The following AGBL4 variants were observed in gnomAD, a reference collection of about 807,000 sequenced individuals.
AGBL4 encodes AGBL carboxypeptidase 4.
Under a neutral mutation model 66.4 loss-of-function variants are expected in AGBL4, and 58 were observed. That is an observed-to-expected ratio of 0.87 (90% confidence interval 0.71 to 1.09). AGBL4 has a LOEUF of 1.09. AGBL4 is among the 50% of genes least tolerant of loss of function. The pLI, the probability that AGBL4 is intolerant of heterozygous loss-of-function variation, is 0.00. For synonymous variants in AGBL4, 234 were observed against 222.9 expected, an observed-to-expected ratio of 1.05 and a Z score of -0.44; for missense variants, 579 against 631.0, an observed-to-expected ratio of 0.92 and a Z score of 0.88.
chr1:49,006,535 G>A (rs1293100321), intron 5 of AGBL4, among the ~76,000 whole-genome samples: 1 of 152,218 alleles, frequency 6.6e-6, no homozygotes, highest in African/African-American at 2.4e-5. Flanking sequence ...ACAGCTCAAG[G>A]AGGCTTGCCT....
intron 3 of AGBL4, among the ~76,000 whole-genome samples, chr1:49,369,735 G>A (rs571950873): frequency 6.6e-6 from 1 of 152,224 alleles, no homozygotes; most frequent in East Asian, 1.9e-4. Flanking sequence ...ACACTGGAAA[G>A]GAGTAAGCAG....
chr1:49,823,901 C>T (rs1645436262), intron 2 of AGBL4, among the ~76,000 whole-genome samples: 1 of 151,612 alleles, frequency 6.6e-6, no homozygotes, highest in Non-Finnish European at 1.5e-5. Flanking sequence ...ACAGGTATGA[C>T]ATAAAGCAGA....
chr1:49,876,881 G>T (rs1279685842), intron 1 of AGBL4, among the ~76,000 whole-genome samples: 4 of 150,218 alleles, frequency 2.7e-5, no homozygotes, highest in Non-Finnish European at 5.9e-5. Context: ...CACATCCCTT[G>T]TAAGTTGGAT....
intron 9 of AGBL4, among the ~76,000 whole-genome samples, chr1:48,605,520 C>A (rs1213331906): frequency 6.6e-6 from 1 of 152,224 alleles, no homozygotes; most frequent in East Asian, 1.9e-4. Context: ...TGTCCTTCTT[C>A]ACGTCTATTG....
chr1:49,210,609 C>T (rs1648587182), intron 4 of AGBL4, among the ~76,000 whole-genome samples: 1 of 152,078 alleles, frequency 6.6e-6, no homozygotes, highest in Admixed American at 6.6e-5. Context: ...TCCCCCATCC[C>T]TAACTACTTG....
At chr1:49,436,285 C>A (rs535026219) in intron 3 of AGBL4, among the ~76,000 whole-genome samples, 10 of 151,768 alleles carry the variant, frequency 6.6e-5, no homozygotes, top group African/African-American at 2.4e-4. Context: ...AACTTTAGGA[C>A]AAAAGAGAAA....
chr1:49,519,911 T>C (rs1386440216), intron 3 of AGBL4, among the ~76,000 whole-genome samples: 1 of 152,096 alleles, frequency 6.6e-6, no homozygotes, highest in African/African-American at 2.4e-5. Flanking sequence ...TTGTTCTTGC[T>C]GATTTTTTAA....
chr1:49,426,557 C>T (rs1451046857), intron 3 of AGBL4, among the ~76,000 whole-genome samples: 2 of 152,154 alleles, frequency 1.3e-5, no homozygotes, highest in African/African-American at 2.4e-5. Context: ...TTGTTCTGTG[C>T]CTGCCCCAGT....
At chr1:48,760,419 T>C (rs1008362892) in intron 6 of AGBL4, among the ~76,000 whole-genome samples, 1 of 152,196 alleles carries the variant, frequency 6.6e-6, no homozygotes, top group African/African-American at 2.4e-5. Context: ...CCCAGCCCAA[T>C]GAAACCATGA....
intron 3 of AGBL4, among the ~76,000 whole-genome samples, chr1:49,592,283 T>C (rs1644765756): frequency 6.6e-6 from 1 of 151,868 alleles, no homozygotes. Flanking sequence ...GCAAAAAACA[T>C]GAACAGGCTG....
chr1:49,687,948 T>A (rs958196049), intron 3 of AGBL4, among the ~76,000 whole-genome samples: 1 of 152,170 alleles, frequency 6.6e-6, no homozygotes, highest in South Asian at 2.1e-4. Context: ...TATGGGCACA[T>A]AGTGGGTATA....
intron 6 of AGBL4, among the ~76,000 whole-genome samples, chr1:48,717,184 G>A (rs1364801232): frequency 1.3e-5 from 2 of 151,778 alleles, no homozygotes; most frequent in Non-Finnish European, 2.9e-5. Context: ...GCCTCTTTTT[G>A]GTTTATTTGT....
chr1:48,707,826 T>C (rs1646904175), intron 6 of AGBL4, among the ~76,000 whole-genome samples: 1 of 152,182 alleles, frequency 6.6e-6, no homozygotes, highest in Non-Finnish European at 1.5e-5. Context: ...GGTTCTCACA[T>C]GCCTGACCGG....
intron 11 of AGBL4, among the ~76,000 whole-genome samples, chr1:48,548,488 G>A (rs772484081): frequency 4.6e-5 from 7 of 152,110 alleles, no homozygotes; most frequent in African/African-American, 7.2e-5. Flanking sequence ...CACCTTTTTC[G>A]TGGTAATGGC....
At chr1:49,533,039 C>G (rs1205038879) in intron 3 of AGBL4, among the ~76,000 whole-genome samples, 1 of 152,162 alleles carries the variant, frequency 6.6e-6, no homozygotes, top group East Asian at 1.9e-4. Context: ...TCCTACCTAC[C>G]TCTCAGTCTA....
At chr1:49,150,292 T>C (rs1646302531) in intron 4 of AGBL4, among the ~76,000 whole-genome samples, 1 of 152,198 alleles carries the variant, frequency 6.6e-6, no homozygotes, top group Non-Finnish European at 1.5e-5. Flanking sequence ...GTCGCACCTA[T>C]GCACCTACAG....
intron 6 of AGBL4, among the ~76,000 whole-genome samples, chr1:48,800,416 T>G (rs778345993): frequency 1.1e-4 from 17 of 152,228 alleles, no homozygotes; most frequent in Non-Finnish European, 2.5e-4. Context: ...TCACTAATGG[T>G]CTATCGATTT....
chr1:48,682,282 A>G (rs904917869), intron 6 of AGBL4, among the ~76,000 whole-genome samples: 2 of 152,246 alleles, frequency 1.3e-5, no homozygotes, highest in Non-Finnish European at 2.9e-5. Context: ...ACAGAGGGCC[A>G]GGGACTTAGG....
At chr1:48,628,646 A>G in intron 9 of AGBL4, among the ~76,000 whole-genome samples, 1 of 151,920 alleles carries the variant, frequency 6.6e-6, no homozygotes, top group Non-Finnish European at 1.5e-5. Flanking sequence ...CCTGCACACC[A>G]AGCCCAGAAG....
Sources: allele counts gnomAD v4.1 joint callset (sites outside exome capture counted in the v4.1 genomes callset), GRCh38; gene constraint gnomAD v4.1.1; transcripts MANE v1.5; gene names NCBI Gene and HGNC (gene_info 2026-07-23, HGNC 2026-07-21).